Variants in SFRP1 observed in about 807,000 individuals in gnomAD.
The protein encoded by SFRP1 is secreted frizzled-related protein 1.
SFRP1 carries 9 observed loss-of-function variants against 25.9 expected under a neutral mutation model. The observed-to-expected ratio is 0.35, with a 90% CI of 0.21 to 0.61. The LOEUF (loss-of-function observed/expected upper bound fraction) is 0.61. Among genes scored for constraint, SFRP1 ranks in the 20% least tolerant of loss-of-function variants. The probability of loss-of-function intolerance (pLI) is 0.78; values close to 1 mark genes in which losing one functional copy is unlikely to be tolerated. For synonymous variants in SFRP1, 178 were observed against 174.0 expected (o/e 1.02, Z -0.18); for missense variants, 346 against 418.2 (o/e 0.83, Z 1.51).
At position 41,265,120 on chromosome 8, in the gene SFRP1, G is replaced by GCCCCCCCCCCC; in HGVS notation, c.*46_*47insGGGGGGGGGGG. On this transcript the variant is annotated 3_prime_UTR_variant, in exon 3 of 3. Coordinates refer to ENST00000220772, the MANE Select transcript of SFRP1 (RefSeq NM_003012.5). ...GGGTTCCCGGGGCACTGTCCCCCCC[G>GCCCCCCCCCCC]CTCCCACCCCACCCGAGGCTCCCTC... The GCCCCCCCCCCC allele has an allele frequency of 6.2e-6, 1 of 160,642 alleles. No individual in the cohort carries two copies. Among genetic ancestry groups the GCCCCCCCCCCC allele is most frequent in the East Asian group, 9.9e-5 (1 of 10,060 alleles). 10.0% of individuals were successfully genotyped at this position (160,642 alleles called of 1,614,324 possible). A position where few individuals can be genotyped will look rare whatever the true frequency, so the allele number is the denominator to read the frequency against.
intron 2 of SFRP1, among the ~76,000 whole-genome samples, chr8:41,303,052 TAA>T (rs397891660): frequency 0.011 from 1,155 of 101,148 alleles, 6 homozygotes; most frequent in Middle Eastern, 0.029. Context: ...GGGTAGATGT[TAA>T]AAAAAAAAAA....
intron 2 of SFRP1, among the ~76,000 whole-genome samples, chr8:41,272,567 C>G (rs1419709719): frequency 1.3e-5 from 2 of 152,168 alleles, no homozygotes; most frequent in African/African-American, 4.8e-5. Flanking sequence ...TGAGATTACA[C>G]CACTGCACTC....
At chr8:41,301,426 G>A (rs1803914882) in intron 2 of SFRP1, among the ~76,000 whole-genome samples, 1 of 150,746 alleles carries the variant, frequency 6.6e-6, no homozygotes, top group Admixed American at 6.6e-5. Flanking sequence ...GCAGAGCTAA[G>A]CTCAGCCCCT....
At chr8:41,290,545 C>T (rs1352846860) in intron 2 of SFRP1, among the ~76,000 whole-genome samples, 1 of 152,212 alleles carries the variant, frequency 6.6e-6, no homozygotes, top group African/African-American at 2.4e-5. Context: ...GAGCTGATTA[C>T]AGGCTCTGGC....
Position 41,265,136 on chromosome 8 carries a change from AGG to A in SFRP1, c.*29_*30del. 2 of 143,606 alleles carry A rather than the reference AGG, an allele frequency of 1.4e-5. No individual in the cohort carries two copies. The highest frequency in any genetic ancestry group is 1.1e-4 in the South Asian group (1 of 8,948). 8.9% of individuals were successfully genotyped at this position (143,606 alleles called of 1,614,324 possible). A position where few individuals can be genotyped will look rare whatever the true frequency, so the allele number is the denominator to read the frequency against. On this transcript the variant is annotated 3_prime_UTR_variant, in exon 3 of 3. Coordinates refer to ENST00000220772, the MANE Select transcript of SFRP1 (RefSeq NM_003012.5). ...GTCCCCCCCGCTCCCACCCCACCCG[AGG>A]CTCCCTCCCCACCCTGCCCCCGGGA...
chr8:41,306,448 T>A (rs1246741919), intron 1 of SFRP1, among the ~76,000 whole-genome samples: 1 of 151,980 alleles, frequency 6.6e-6, no homozygotes, highest in African/African-American at 2.4e-5. Context: ...GGATCAGTAG[T>A]CTGGTTTGTC....
At chr8:41,277,890 C>T (rs2117489894) in intron 2 of SFRP1, among the ~76,000 whole-genome samples, 1 of 152,328 alleles carries the variant, frequency 6.6e-6, no homozygotes, top group African/African-American at 2.4e-5. Context: ...GAATTACAAG[C>T]ATGAGCCACT....
chr8:41,301,448 G>GAA (rs141869268), intron 2 of SFRP1, among the ~76,000 whole-genome samples: 8 of 151,142 alleles, frequency 5.3e-5, no homozygotes, highest in South Asian at 2.1e-4. Flanking sequence ...CAGAGAGAGA[G>GAA]AAAAAAAAAT....
intron 2 of SFRP1, among the ~76,000 whole-genome samples, chr8:41,281,946 GTCC>G (rs755361082): frequency 4.6e-5 from 7 of 152,160 alleles, no homozygotes; most frequent in Non-Finnish European, 1.5e-5. Context: ...GTTTCAAAGG[GTCC>G]TCATTTGTCT....
At chr8:41,305,260 C>T (rs1803978246) in intron 1 of SFRP1, among the ~76,000 whole-genome samples, 2 of 152,356 alleles carry the variant, frequency 1.3e-5, no homozygotes, top group South Asian at 4.1e-4. Context: ...GTGATCCAAA[C>T]ATAAAGGGCA....
At chr8:41,285,006 G>A (rs1803680970) in intron 2 of SFRP1, among the ~76,000 whole-genome samples, 1 of 152,220 alleles carries the variant, frequency 6.6e-6, no homozygotes, top group South Asian at 2.1e-4. Flanking sequence ...CCGACACTCA[G>A]TCCCCTCCGC....
At chr8:41,273,606 C>A (rs574478611) in intron 2 of SFRP1, among the ~76,000 whole-genome samples, 2 of 152,242 alleles carry the variant, frequency 1.3e-5, no homozygotes, top group South Asian at 4.1e-4. Flanking sequence ...GCATGTACAT[C>A]ATCTCACTTA....
intron 2 of SFRP1, among the ~76,000 whole-genome samples, chr8:41,294,689 T>C (rs10808954): frequency 0.61 from 93,032 of 151,922 alleles, 28,771 homozygotes; most frequent in Middle Eastern, 0.73. Flanking sequence ...AATCCCTAAG[T>C]GCTGTCAAAT....
chr8:41,288,200 A>C (rs1049171939), intron 2 of SFRP1, among the ~76,000 whole-genome samples: 1 of 151,866 alleles, frequency 6.6e-6, no homozygotes, highest in African/African-American at 2.4e-5. Context: ...TCTACTAAAA[A>C]TAAAAAAATT....
At chr8:41,271,314 G>C (rs192491859) in intron 2 of SFRP1, 2 of 154,076 alleles carry the variant, frequency 1.3e-5, no homozygotes, top group East Asian at 3.9e-4. Flanking sequence ...GAATGGCAGA[G>C]ACTGTAACAT....
At chr8:41,283,245 G>A (rs907703103) in intron 2 of SFRP1, among the ~76,000 whole-genome samples, 2 of 152,160 alleles carry the variant, frequency 1.3e-5, no homozygotes, top group African/African-American at 4.8e-5. Flanking sequence ...CCACCAGGTA[G>A]GCGTCACATC....
At chr8:41,297,182 TACA>T in intron 2 of SFRP1, among the ~76,000 whole-genome samples, 1 of 152,168 alleles carries the variant, frequency 6.6e-6, no homozygotes, top group Admixed American at 6.5e-5. Flanking sequence ...TAGCTGGGAT[TACA>T]AGCGCCTGCC....
chr8:41,300,361 G>A (rs546672695), intron 2 of SFRP1, among the ~76,000 whole-genome samples: 1 of 152,254 alleles, frequency 6.6e-6, no homozygotes, highest in South Asian at 2.1e-4. Context: ...AAGTTTCTAG[G>A]GGCAAAGAAA....
intron 2 of SFRP1, among the ~76,000 whole-genome samples, chr8:41,300,995 A>T (rs1254120615): frequency 6.6e-6 from 1 of 152,002 alleles, no homozygotes; most frequent in Non-Finnish European, 1.5e-5. Flanking sequence ...AGGGCTGGAG[A>T]CATGAGTGAC....
Sources: gnomAD v4.1 joint callset for allele counts (sites outside exome capture counted in the v4.1 genomes callset) on GRCh38, gnomAD v4.1.1 for gene constraint, MANE v1.5 for transcripts, NCBI Gene and HGNC (gene_info 2026-07-23, HGNC 2026-07-21) for gene names.